TBL2: variants seen among roughly 807,000 people sequenced by gnomAD.
The protein encoded by TBL2 is transducin beta like 2.
Under a neutral mutation model 41.8 loss-of-function variants are expected in TBL2, and 33 were observed. The observed-to-expected ratio is 0.79, with a 90% CI of 0.60 to 1.06. TBL2 has a LOEUF of 1.06. TBL2 is among the 50% of genes least tolerant of loss of function. The pLI, the probability that TBL2 is intolerant of heterozygous loss-of-function variation, is 0.00. For synonymous variants in TBL2, 239 were observed against 241.7 expected, an observed-to-expected ratio of 0.99 and a Z score of 0.10; for missense variants, 522 against 603.8, an observed-to-expected ratio of 0.86 and a Z score of 1.42.
intron 1 of TBL2, chr7:73,576,690 A>G (rs782210767): frequency 2.2e-6 from 1 of 456,552 alleles, no homozygotes; most frequent in South Asian, 1.5e-5. Flanking sequence ...ACAGGAAAAA[A>G]GCTCCTGGGC....
At chr7:73,574,826 A>G (rs1793198934) in intron 1 of TBL2, 2 of 439,620 alleles carry the variant, frequency 4.5e-6, no homozygotes, top group Non-Finnish European at 8.6e-6. Context: ...AAAAACAAAC[A>G]GAAAACAGAA....
chr7:73,570,908 T>C lies in TBL2; in HGVS notation c.943A>G (p.Lys315Glu). The change falls in exon 7 of 7, where the codon AAG (lysine) becomes GAG (glutamate). Residue 315 changes from lysine to glutamate, a missense_variant. Lys to Glu is a moderately conservative substitution (Grantham distance 56, BLOSUM62 1). Transcript: ENST00000305632. ...LWDTDVEYKK[K>E]QDPYLLKTGR... ...GTCTTCAGCAAGTAGGGGTCCTGCT[T>C]CTTCTTGTATTCCACATCTGTGTCC... is the stretch of plus-strand genomic sequence containing the variant. 1 of 1,613,716 alleles carries C rather than the reference T, an allele frequency of 6.2e-7. No homozygotes were observed.
rs1340221057 is a variant in TBL2 at position 73,569,508 on chromosome 7, CCTTCAA to C, written c.*993_*998del. Reference sequence around the variant, plus strand: ...TACCGACTCTCTTATCAAATGTACCCCTTCAACTTCAATACCCATTGCCTCTGTCCT... The same window carrying C: ...TACCGACTCTCTTATCAAATGTACCCCTTCAATACCCATTGCCTCTGTCCT... On this transcript the variant is annotated 3_prime_UTR_variant, in exon 7 of 7. Coordinates refer to ENST00000305632, the MANE Select transcript of TBL2 (RefSeq NM_012453.4). 18 of 152,178 alleles carry C rather than the reference CCTTCAA, an allele frequency of 1.2e-4. No homozygotes were observed. The highest frequency in any genetic ancestry group is 4.3e-4 in the African/African-American group (18 of 41,436). The allele number at this position is 152,178 out of a possible 1,614,324, so 9.4% of individuals were successfully genotyped here.
In TBL2 at chr7:73,573,803, T is replaced by C. The variant is rs1273905685; in HGVS notation, c.446+135A>G. On this transcript the variant is annotated intron_variant, in intron 3 of 6. Coordinates refer to ENST00000305632, the MANE Select transcript of TBL2 (RefSeq NM_012453.4). ...GGAGCCCCAGGCAGCGCGCAAACTA[T>C]GTGGATGCTCTTTCTGGCACCCCAA... 5 of 1,133,888 alleles carry C rather than the reference T, an allele frequency of 4.4e-6. No homozygotes were observed. In the African/African-American group the frequency reaches 7.8e-5, roughly 18 times the overall value. 70.2% of individuals were successfully genotyped at this position (1,133,888 alleles called of 1,614,324 possible). A position where few individuals can be genotyped will look rare whatever the true frequency, so the allele number is the denominator to read the frequency against.
chr7:73,570,860 C>G lies in TBL2; in HGVS notation c.991G>C (p.Gly331Arg), dbSNP rs1554587328. 4 of 1,613,814 alleles carry G rather than the reference C, an allele frequency of 2.5e-6. No individual in the cohort carries two copies. Among genetic ancestry groups the G allele is most frequent in the Non-Finnish European group, 3.4e-6 (4 of 1,180,018 alleles). ...LKTGRFEEAAGAAPCRLALSP... is the reference protein window; with the variant it reads ...LKTGRFEEAARAAPCRLALSP... ...AGGGCCAGGCGGCACGGCGCGGCAC[C>G]CGCCGCCTCTTCAAAGCGGCCTGTC... The change falls in exon 7 of 7, where the codon GGT (glycine) becomes CGT (arginine). Residue 331 changes from glycine (G) to arginine (R), a missense_variant. Physicochemically the swap from Gly to Arg is moderately radical, Grantham distance 125. Coordinates refer to ENST00000305632, the MANE Select transcript of TBL2 (RefSeq NM_012453.4).
In TBL2 at chr7:73,578,463, C is replaced by G. The variant is rs782185350; in HGVS notation, c.87G>C (p.Arg29=). ...LALMATAAVA[R]GWLRAGEERS... is the part of the protein sequence containing the mutation. ...TCTCCTCCCCCGCGCGCAGCCACCCCCGCGCTACCGCCGCCGTCGCCATCA... is the reference window on the plus strand; with the variant it reads ...TCTCCTCCCCCGCGCGCAGCCACCCGCGCGCTACCGCCGCCGTCGCCATCA... Residue 29 remains arginine (R), a synonymous_variant, in exon 1 of 7, where the codon CGG becomes CGC. Coordinates refer to ENST00000305632, the MANE Select transcript of TBL2 (RefSeq NM_012453.4). 5.8e-6 allele frequency: 9 copies of G among 1,564,080 alleles called. No individual in the cohort carries two copies. The highest frequency in any genetic ancestry group is 1.8e-4 in the Middle Eastern group (1 of 5,650).
chr7:73,574,332 G>A (rs1295480010), intron 2 of TBL2, 51 bp downstream of exon 2: 1 of 1,608,374 alleles, frequency 6.2e-7, no homozygotes, highest in African/African-American at 1.3e-5. Flanking sequence ...CAGAGGAAAA[G>A]CCTGTGGGGC....
chr7:73,574,090 A>G lies in TBL2; in HGVS notation c.294T>C (p.Phe98=). Reference sequence around the variant, plus strand: ...TAGCCAGGTATTTGCCATTGCTGCTAAAGTCCATGCAAGATATGTTCCCGC... The same window carrying G: ...TAGCCAGGTATTTGCCATTGCTGCTGAAGTCCATGCAAGATATGTTCCCGC... The part of the protein sequence containing the change: ...SHSGNISCMD[F]SSNGKYLATC... Residue 98 remains phenylalanine (F), a synonymous_variant, in exon 3 of 7, where the codon TTT becomes TTC. Coordinates refer to ENST00000305632, the MANE Select transcript of TBL2 (RefSeq NM_012453.4). The G allele has an allele frequency of 1.2e-6, 2 of 1,614,206 alleles. No homozygotes were observed. The highest frequency in any genetic ancestry group is 1.1e-5 in the South Asian group (1 of 91,086).
In TBL2 at chr7:73,568,871, G is replaced by C. The variant is rs1554586694; in HGVS notation, c.*1636C>G. On this transcript the variant is annotated 3_prime_UTR_variant, in exon 7 of 7. Transcript: ENST00000305632. ...GAACCTAGGAGGCGGCGGTTGCAGT[G>C]AGCCGAGATTGCGCCATTGTACTCC... 1.3e-5 allele frequency: 2 copies of C among 152,186 alleles called. No homozygotes were observed. Among genetic ancestry groups the C allele is most frequent in the African/African-American group, 2.4e-5 (1 of 41,420 alleles). 9.4% of individuals were successfully genotyped at this position (152,186 alleles called of 1,614,324 possible).
chr7:73,578,402 C>A lies in TBL2; in HGVS notation c.130+18G>T. 6.6e-7 allele frequency: 1 copy of A among 1,523,494 alleles called. No homozygotes were observed. The highest frequency in any genetic ancestry group is 2.1e-5 in the Admixed American group (1 of 47,744). 94.4% of individuals were successfully genotyped at this position (1,523,494 alleles called of 1,614,324 possible). On this transcript the variant is annotated intron_variant, in intron 1 of 6. Coordinates refer to ENST00000305632, the MANE Select transcript of TBL2 (RefSeq NM_012453.4). ...CGGGACACCGCGGGCCGCCCCCACC[C>A]GACCCGGCCCCACTTACAGGCGGGC...
intron 1 of TBL2, among the ~76,000 whole-genome samples, chr7:73,575,783 C>T (rs782156192): frequency 1.3e-5 from 2 of 152,154 alleles, no homozygotes; most frequent in East Asian, 3.9e-4. Context: ...GTGGCTCATG[C>T]CTGTGATCCC....
chr7:73,572,781 CT>C (rs1554587898), intron 5 of TBL2, 62 bp downstream of exon 5: 7 of 1,610,186 alleles, frequency 4.3e-6, no homozygotes, highest in Non-Finnish European at 5.9e-6. Context: ...GCTCTCTGTT[CT>C]GTGCCTGCTC....
In TBL2 at chr7:73,573,418, G is replaced by A; in HGVS notation, c.500C>T (p.Thr167Ile). The change falls in exon 4 of 7, where the codon ACC (threonine) becomes ATC (isoleucine). Residue 167 changes from threonine to isoleucine, a missense_variant. Coordinates refer to ENST00000305632, the MANE Select transcript of TBL2 (RefSeq NM_012453.4). ...NGDTLRVFKM[T>I]KREDGGYTFT... is the part of the protein sequence containing the mutation. ...GGTGTAGCCCCCATCCTCCCGCTTG[G>A]TCATCTTGAAGACACGGAGGGTGTC... 6.2e-7 allele frequency: 1 copy of A among 1,614,118 alleles called. No homozygotes were observed. The highest frequency in any genetic ancestry group is 8.5e-7 in the Non-Finnish European group (1 of 1,180,030).
In TBL2 at chr7:73,573,477, G is replaced by C; in HGVS notation, c.447-6C>G. On this transcript the variant is annotated splice_polypyrimidine_tract_variant and splice_region_variant and intron_variant, in intron 3 of 6. Coordinates refer to ENST00000305632, the MANE Select transcript of TBL2 (RefSeq NM_012453.4). ...CCAGCCAGACGATGAAGGCTCTAGA[G>C]ACAGGCAGCAGACAAGTCACGCTCT... 1 of 1,613,930 alleles carries C rather than the reference G, an allele frequency of 6.2e-7. No homozygotes were observed. Among genetic ancestry groups the C allele is most frequent in the Non-Finnish European group, 8.5e-7 (1 of 1,179,990 alleles).
chr7:73,570,960 G>A lies in TBL2; in HGVS notation c.891C>T (p.Val297=). 1 of 1,601,596 alleles carries A rather than the reference G, an allele frequency of 6.2e-7. No homozygotes were observed. Among genetic ancestry groups the A allele is most frequent in the Non-Finnish European group, 8.5e-7 (1 of 1,172,702 alleles). ...FSNDSRRMAS[V]SKDGTWKLWD... ...ACAGTTTCCATGTACCATCCTTGGA[G>A]ACAGAAGCCATCCTGCAACACAGAA... is the stretch of plus-strand genomic sequence containing the variant. Residue 297 remains valine (V), a synonymous_variant, in exon 7 of 7, where the codon GTC becomes GTT. Transcript: ENST00000305632.
Position 73,573,981 on chromosome 7 carries a change from C to G in TBL2, c.403G>C (p.Glu135Gln). 6.2e-7 allele frequency: 1 copy of G among 1,614,102 alleles called. No homozygotes were observed. Among genetic ancestry groups the G allele is most frequent in the East Asian group, 2.2e-5 (1 of 44,884 alleles). The change falls in exon 3 of 7, where the codon GAG (glutamate) becomes CAG (glutamine). Residue 135 changes from glutamate to glutamine, a missense_variant. Transcript: ENST00000305632. ...REHRSMRANV[E>Q]LDHATLVRFS... ...CGCACCAGGGTGGCGTGGTCCAGCT[C>G]CACGTTGGCTCTCATGCTGCGGTGC...
chr7:73,573,961 C>T lies in TBL2; in HGVS notation c.423G>A (p.Leu141=), dbSNP rs1554588298. 1 of 1,613,864 alleles carries T rather than the reference C, an allele frequency of 6.2e-7. No individual in the cohort carries two copies. Among genetic ancestry groups the T allele is most frequent in the Admixed American group, 1.7e-5 (1 of 60,014 alleles). The change falls in exon 3 of 7, where the codon CTG becomes CTA. Residue 141 remains leucine, a synonymous_variant. Coordinates refer to ENST00000305632, the MANE Select transcript of TBL2 (RefSeq NM_012453.4). Reference sequence around the variant, plus strand: ...ACCTGCAGTCAGGGCTGAAGCGCACCAGGGTGGCGTGGTCCAGCTCCACGT... The same window carrying T: ...ACCTGCAGTCAGGGCTGAAGCGCACTAGGGTGGCGTGGTCCAGCTCCACGT... ...RANVELDHAT[L]VRFSPDCRAF...
At chr7:73,578,203 G>T (rs1056114341) in intron 1 of TBL2, 4 of 1,507,746 alleles carry the variant, frequency 2.7e-6, no homozygotes, top group African/African-American at 2.8e-5. Flanking sequence ...CGCAGTAAGG[G>T]GCCCAGGTTG....
Position 73,576,032 on chromosome 7 carries a change from AAAATAAAT to A in TBL2, c.131-1527_131-1520del, listed in dbSNP as rs557508065. ...AGGCGACAGAGTGAGATTCTGTCTC[AAAATAAAT>A]AAATAAATAAATAAATAAAAATAAG... On this transcript the variant is annotated intron_variant, in intron 1 of 6. Transcript: ENST00000305632. 1.2e-4 allele frequency among the ~76,000 whole-genome samples: 18 copies of A among 151,798 alleles called. No individual in the cohort carries two copies. The South Asian group carries it at 2.1e-3, about 18-fold the overall frequency.
Sources: gnomAD v4.1 joint callset for allele counts (sites outside exome capture counted in the v4.1 genomes callset) on GRCh38, gnomAD v4.1.1 for gene constraint, MANE v1.5 for transcripts, NCBI Gene and HGNC (gene_info 2026-07-23, HGNC 2026-07-21) for gene names.